The following ZNF423 variants were observed in gnomAD, a reference collection of about 807,000 sequenced individuals.
ZNF423 encodes zinc finger protein 423.
In ZNF423, 12 loss-of-function variants were observed where a neutral mutation model predicts 95.8. The observed-to-expected ratio is 0.13, with a 90% CI of 0.08 to 0.20. The LOEUF (loss-of-function observed/expected upper bound fraction) is 0.20, where lower values mean the gene tolerates loss of function less well. ZNF423 is among the 10% of genes least tolerant of loss of function. The probability of loss-of-function intolerance (pLI) is 1.00; values close to 1 mark genes in which losing one functional copy is unlikely to be tolerated. For missense variants in ZNF423, 1,316 were observed against 1,737.1 expected, an observed-to-expected ratio of 0.76 and a Z score of 4.31; for synonymous variants, 749 against 711.9, an observed-to-expected ratio of 1.05 and a Z score of -0.83.
At chr16:49,662,619 A>C (rs2030300794) in intron 3 of ZNF423, among the ~76,000 whole-genome samples, 1 of 152,202 alleles carries the variant, frequency 6.6e-6, no homozygotes, top group Non-Finnish European at 1.5e-5. Context: ...TTCCTGCTGA[A>C]GAAGGAATAA....
chr16:49,677,248 TAAGAG>T (rs1377639641), intron 3 of ZNF423, among the ~76,000 whole-genome samples: 3 of 68,620 alleles, frequency 4.4e-5, no homozygotes, highest in African/African-American at 2.0e-4. Context: ...GAAGAGAAGA[TAAGAG>T]AAGAGAAGAG....
upstream of ZNF423, chr16:49,856,198 T>A (rs951790360): frequency 2.0e-5 from 1 of 49,514 alleles, no homozygotes; most frequent in Non-Finnish European, 3.9e-5. Context: ...TGCGGCCCCC[T>A]CCTTCCCTCC....
intron 2 of ZNF423, among the ~76,000 whole-genome samples, chr16:49,732,305 A>G (rs913938572): frequency 3.3e-5 from 5 of 152,246 alleles, no homozygotes; most frequent in Non-Finnish European, 5.9e-5. Flanking sequence ...ATCAAAGTGC[A>G]AAAGCGTGTG....
intron 5 of ZNF423, among the ~76,000 whole-genome samples, chr16:49,622,602 C>G (rs1305064634): frequency 2.0e-5 from 3 of 152,248 alleles, no homozygotes; most frequent in South Asian, 2.1e-4. Flanking sequence ...CACTGCACTG[C>G]AGTTACCTGC....
At chr16:49,795,282 C>T (rs934764561) in intron 1 of ZNF423, among the ~76,000 whole-genome samples, 1 of 152,164 alleles carries the variant, frequency 6.6e-6, no homozygotes, top group Non-Finnish European at 1.5e-5. Flanking sequence ...CACAGACACA[C>T]CTGTCCCCTC....
chr16:49,516,043 C>T (rs1003887341), intron 7 of ZNF423, among the ~76,000 whole-genome samples: 2 of 152,236 alleles, frequency 1.3e-5, no homozygotes, highest in South Asian at 2.1e-4. Flanking sequence ...ACATACCACC[C>T]TCCACGGCGC....
At chr16:49,713,547 C>T (rs896808391) in intron 3 of ZNF423, among the ~76,000 whole-genome samples, 4 of 152,166 alleles carry the variant, frequency 2.6e-5, no homozygotes, top group African/African-American at 9.7e-5. Context: ...AAATGCCCCT[C>T]CCCGCACCCT....
intron 3 of ZNF423, among the ~76,000 whole-genome samples, chr16:49,716,417 C>T (rs868017916): frequency 1.3e-5 from 2 of 152,112 alleles, no homozygotes; most frequent in African/African-American, 4.8e-5. Flanking sequence ...GGCTGCCATT[C>T]CCCCACCTGC....
intron 2 of ZNF423, among the ~76,000 whole-genome samples, chr16:49,786,331 G>A (rs1333344316): frequency 6.6e-6 from 1 of 152,204 alleles, no homozygotes; most frequent in East Asian, 1.9e-4. Flanking sequence ...GGAGGCCAGG[G>A]GTGAGTGAAG....
At chr16:49,725,020 G>A (rs1048473898) in intron 3 of ZNF423, among the ~76,000 whole-genome samples, 12 of 152,104 alleles carry the variant, frequency 7.9e-5, no homozygotes, top group Non-Finnish European at 1.8e-4. Context: ...AAGCTGTTCC[G>A]ACCTCAGAGC....
chr16:49,682,004 C>G (rs1227287834), intron 3 of ZNF423, among the ~76,000 whole-genome samples: 1 of 151,342 alleles, frequency 6.6e-6, no homozygotes, highest in Non-Finnish European at 1.5e-5. Flanking sequence ...ATGTCTATCT[C>G]CCCTTTTGCT....
intron 5 of ZNF423, among the ~76,000 whole-genome samples, chr16:49,530,757 G>C (rs1968810700): frequency 6.6e-6 from 1 of 152,164 alleles, no homozygotes; most frequent in Non-Finnish European, 1.5e-5. Flanking sequence ...GCGTGGAGAG[G>C]CTCCCTCAGC....
At chr16:49,572,855 A>G (rs1270055244) in intron 5 of ZNF423, among the ~76,000 whole-genome samples, 1 of 152,232 alleles carries the variant, frequency 6.6e-6, no homozygotes, top group Non-Finnish European at 1.5e-5. Flanking sequence ...GAGAGACTCA[A>G]CTGTTGTCAT....
At chr16:49,595,117 A>G (rs1255382124) in intron 5 of ZNF423, among the ~76,000 whole-genome samples, 1 of 152,158 alleles carries the variant, frequency 6.6e-6, no homozygotes, top group African/African-American at 2.4e-5. Context: ...TAAAGGCGGG[A>G]GGGCAGGGAG....
intron 3 of ZNF423, among the ~76,000 whole-genome samples, chr16:49,641,010 G>C (rs538664465): frequency 6.6e-6 from 1 of 152,192 alleles, no homozygotes; most frequent in African/African-American, 2.4e-5. Flanking sequence ...CTCGGCCCCC[G>C]CTCCAGGCCA....
rs141328515 is a variant in ZNF423, at chr16:49,502,388, C to T, written c.3850-11084G>A. ...CTGCTGCCTCATGGGCATTCCCACCCAGCCAGCCCAAGTGTTTCTGGGTGC... is the reference window on the plus strand; with the variant it reads ...CTGCTGCCTCATGGGCATTCCCACCTAGCCAGCCCAAGTGTTTCTGGGTGC... On this transcript the variant is annotated intron_variant, in intron 7 of 7. Coordinates refer to ENST00000563137, the MANE Select transcript of ZNF423 (RefSeq NM_001379286.1). 3.5e-4 allele frequency among the ~76,000 whole-genome samples: 54 copies of T among 152,290 alleles called. 2 individuals are homozygous for T. In the East Asian group the frequency reaches 0.01, roughly 29 times the overall value.
intron 5 of ZNF423, among the ~76,000 whole-genome samples, chr16:49,604,419 C>T (rs897297309): frequency 1.3e-5 from 2 of 152,036 alleles, no homozygotes; most frequent in African/African-American, 2.4e-5. Context: ...CAGAGCAAGG[C>T]GTCACCCAAC....
intron 3 of ZNF423, among the ~76,000 whole-genome samples, chr16:49,677,312 G>GA (rs1567284159): frequency 1.0e-4 from 2 of 19,640 alleles, no homozygotes; most frequent in Non-Finnish European, 2.2e-4. Context: ...AGAAGAGAAA[G>GA]GAGGGGAAGG....
chr16:49,844,403 C>T (rs1183451092), intron 1 of ZNF423, among the ~76,000 whole-genome samples: 1 of 152,146 alleles, frequency 6.6e-6, no homozygotes, highest in Non-Finnish European at 1.5e-5. Flanking sequence ...TAAACAGCAG[C>T]TGCAATCTCA....
Sources: gnomAD v4.1 joint callset for allele counts (sites outside exome capture counted in the v4.1 genomes callset) on GRCh38, gnomAD v4.1.1 for gene constraint, MANE v1.5 for transcripts, NCBI Gene and HGNC (gene_info 2026-07-23, HGNC 2026-07-21) for gene names.